Variants in ITGA4 observed in about 807,000 individuals in gnomAD.
ITGA4 encodes the protein integrin alpha-4.
In ITGA4, 63 loss-of-function variants were observed where a neutral mutation model predicts 133.6. The observed-to-expected ratio is 0.47, with a 90% CI of 0.38 to 0.58. The LOEUF is 0.58. ITGA4 is among the 20% of genes least tolerant of loss of function. The probability of loss-of-function intolerance (pLI) is 0.00; values close to 1 mark genes in which losing one functional copy is unlikely to be tolerated. For missense variants in ITGA4, 1,076 were observed against 1,252.7 expected, an observed-to-expected ratio of 0.86 and a Z score of 2.13; for synonymous variants, 483 against 438.0, an observed-to-expected ratio of 1.10 and a Z score of -1.28.
At chr2:181,493,033 G>T in intron 10 of ITGA4, 1 of 249,870 alleles carries the variant, frequency 4.0e-6, no homozygotes, top group Non-Finnish European at 7.6e-6. Flanking sequence ...AGTGCCCAGT[G>T]GCAGAGCTCG....
Position 181,460,427 on chromosome 2 carries a change from G to T in ITGA4, c.319+2110G>T, listed in dbSNP as rs367981788. On this transcript the variant is annotated intron_variant, in intron 2 of 27. Transcript: ENST00000397033. ...CTATAAAATAGGGATTGAGGCTACA[G>T]TCTAGAAATAAAACACTAAAAACAA... 2.0e-5 allele frequency among the ~76,000 whole-genome samples: 3 copies of T among 152,170 alleles called. No individual in the cohort carries two copies. In the East Asian group the frequency reaches 5.8e-4, roughly 29 times the overall value.
At chr2:181,479,364 A>G (rs1300320725) in intron 5 of ITGA4, 1 of 152,040 alleles carries the variant, frequency 6.6e-6, no homozygotes, top group Non-Finnish European at 1.5e-5. Context: ...TCTTAAAAAC[A>G]CACTGTGAAT....
chr2:181,496,446 A>G (rs191260151), intron 14 of ITGA4, among the ~76,000 whole-genome samples: 34 of 152,294 alleles, frequency 2.2e-4, no homozygotes, highest in Admixed American at 2.0e-3. Flanking sequence ...AACCATAAAA[A>G]TAAATATTAA....
intron 17 of ITGA4, among the ~76,000 whole-genome samples, chr2:181,519,014 G>A (rs1423846550): frequency 6.6e-6 from 1 of 151,908 alleles, no homozygotes; most frequent in East Asian, 1.9e-4. Flanking sequence ...AGAATTACGT[G>A]TGTATGTTGA....
chr2:181,462,408 A>G (rs1021791024), intron 2 of ITGA4, among the ~76,000 whole-genome samples: 1 of 152,180 alleles, frequency 6.6e-6, no homozygotes, highest in African/African-American at 2.4e-5. Flanking sequence ...GCATTATTAA[A>G]CTAATGATTA....
Position 181,537,010 on chromosome 2 carries a change from T to C in ITGA4, c.*1483T>C, listed in dbSNP as rs1574420672. On this transcript the variant is annotated 3_prime_UTR_variant, in exon 28 of 28. Coordinates refer to ENST00000397033, the MANE Select transcript of ITGA4 (RefSeq NM_000885.6). ...TCTGTTCACAGGCCTGCAGTGATGGTGAGGAATGTTCTGAGATTTGCGAAG... is the reference window on the plus strand; with the variant it reads ...TCTGTTCACAGGCCTGCAGTGATGGCGAGGAATGTTCTGAGATTTGCGAAG... The C allele has an allele frequency of 2.2e-6, 1 of 447,692 alleles. No homozygotes were observed. 27.7% of individuals were successfully genotyped at this position (447,692 alleles called of 1,614,324 possible). A position where few individuals can be genotyped will look rare whatever the true frequency, so the allele number is the denominator to read the frequency against.
chr2:181,478,393 G>C (rs554927881), intron 4 of ITGA4, among the ~76,000 whole-genome samples: 1 of 152,120 alleles, frequency 6.6e-6, no homozygotes, highest in South Asian at 2.1e-4. Context: ...TGTAGTAACT[G>C]TTTCACTATG....
At chr2:181,513,053 T>G (rs1018691948) in intron 17 of ITGA4, among the ~76,000 whole-genome samples, 1 of 152,086 alleles carries the variant, frequency 6.6e-6, no homozygotes, top group African/African-American at 2.4e-5. Context: ...GAATGTCTTA[T>G]CCTTTAATTT....
intron 22 of ITGA4, among the ~76,000 whole-genome samples, chr2:181,528,701 T>G (rs1686883007): frequency 1.3e-5 from 2 of 152,234 alleles, no homozygotes; most frequent in Admixed American, 6.5e-5. Context: ...TGGAGACACT[T>G]TCTTCATCTA....
intron 10 of ITGA4, among the ~76,000 whole-genome samples, chr2:181,487,143 T>C (rs543642332): frequency 1.3e-5 from 2 of 152,326 alleles, no homozygotes; most frequent in African/African-American, 4.8e-5. Context: ...TATATACTTT[T>C]GGTTATTACG....
Position 181,536,863 on chromosome 2 carries a change from A to AT in ITGA4, c.*1340dup, listed in dbSNP as rs1353347272. ...GCCTTCATAAGAGAGCTGTGGCCGA[A>AT]TTTTGAACATCTGTTATAGGGAGTG... On this transcript the variant is annotated 3_prime_UTR_variant, in exon 28 of 28. Coordinates refer to ENST00000397033, the MANE Select transcript of ITGA4 (RefSeq NM_000885.6). 4.6e-6 allele frequency: 2 copies of AT among 432,810 alleles called. No individual in the cohort carries two copies. The highest frequency in any genetic ancestry group is 4.0e-5 in the African/African-American group (2 of 49,422). 26.8% of individuals were successfully genotyped at this position (432,810 alleles called of 1,614,324 possible).
chr2:181,477,408 A>G (rs936302360), intron 4 of ITGA4, among the ~76,000 whole-genome samples: 1 of 152,160 alleles, frequency 6.6e-6, no homozygotes, highest in East Asian at 1.9e-4. Flanking sequence ...GAGATAATCA[A>G]CAGAGTGAAG....
intron 2 of ITGA4, among the ~76,000 whole-genome samples, chr2:181,463,026 A>G (rs1257007459): frequency 6.6e-6 from 1 of 152,178 alleles, no homozygotes; most frequent in African/African-American, 2.4e-5. Context: ...GATTTAATCT[A>G]GGTAAGACAA....
intron 10 of ITGA4, 159 bp from the exon 11 acceptor site, chr2:181,493,166 T>G (rs776738416): frequency 1.4e-4 from 80 of 575,910 alleles, no homozygotes; most frequent in Non-Finnish European, 3.4e-5. Flanking sequence ...CTGTATATGA[T>G]GATGATAGTA....
chr2:181,491,976 C>T (rs954405535), intron 10 of ITGA4, among the ~76,000 whole-genome samples: 4 of 147,362 alleles, frequency 2.7e-5, no homozygotes, highest in African/African-American at 9.7e-5. Flanking sequence ...ACTTTAATCT[C>T]ATCTTGGGCA....
chr2:181,534,484 C>T (rs1426523304), intron 26 of ITGA4, 114 bp downstream of exon 26: 1 of 702,110 alleles, frequency 1.4e-6, no homozygotes, highest in Admixed American at 2.4e-5. Context: ...GTGACCAGCT[C>T]ATGGAGGGCC....
chr2:181,530,683 T>C, intron 24 of ITGA4, 34 bp downstream of exon 24: 2 of 1,593,730 alleles, frequency 1.3e-6, no homozygotes, highest in South Asian at 1.1e-5. Flanking sequence ...TAGTTCCTGC[T>C]TTCCAACAGA....
rs56384499 is a variant in ITGA4, at chr2:181,481,727, A to C, written c.840+44A>C. Reference sequence around the variant, plus strand: ...TATTTATTTCTTCACAAAGGTTCAAATATATTGCATGAATAAGATATTAAA... The same window carrying C: ...TATTTATTTCTTCACAAAGGTTCAACTATATTGCATGAATAAGATATTAAA... On this transcript the variant is annotated intron_variant, in intron 7 of 27. Transcript: ENST00000397033. 4.4e-3 allele frequency: 4,080 copies of C among 918,154 alleles called. 30 individuals carry two copies. Among genetic ancestry groups the C allele is most frequent in the South Asian group, 0.019 (1,179 of 63,522 alleles). 56.9% of individuals were successfully genotyped at this position (918,154 alleles called of 1,614,324 possible). A position where few individuals can be genotyped will look rare whatever the true frequency, so the allele number is the denominator to read the frequency against.
Position 181,523,646 on chromosome 2 carries a change from G to T in ITGA4, c.2169+114G>T. On this transcript the variant is annotated intron_variant, in intron 19 of 27. Coordinates refer to ENST00000397033, the MANE Select transcript of ITGA4 (RefSeq NM_000885.6). The surrounding 1 kb of genome is among the most constrained non-coding windows in gnomAD (Gnocchi z 4.2). ...TAAATATTTTAGCTTGGGGTAGGTA[G>T]CTGAGTGATGAAATAAAACTGGTTC... 1.7e-6 allele frequency: 1 copy of T among 591,894 alleles called. No homozygotes were observed. 36.7% of individuals were successfully genotyped at this position (591,894 alleles called of 1,614,324 possible). A position where few individuals can be genotyped will look rare whatever the true frequency, so the allele number is the denominator to read the frequency against.
Sources: gnomAD v4.1 joint callset for allele counts (sites outside exome capture counted in the v4.1 genomes callset) on GRCh38, gnomAD v4.1.1 for gene constraint, Gnocchi (gnomAD v3.1) non-coding constraint, MANE v1.5 for transcripts, NCBI Gene and HGNC (gene_info 2026-07-23, HGNC 2026-07-21) for gene names.